FBN2: variants seen among roughly 807,000 people sequenced by gnomAD.
FBN2 encodes the protein fibrillin-2.
In FBN2, 105 loss-of-function variants were observed where a neutral mutation model predicts 355.6. That is an observed-to-expected ratio of 0.30 (90% CI 0.25 to 0.35). FBN2 has a LOEUF of 0.35. FBN2 is among the 10% of genes least tolerant of loss of function. The pLI is 1.00. For synonymous variants in FBN2, 1,350 were observed against 1,301.2 expected (o/e 1.04, Z -0.81); for missense variants, 3,280 against 3,758.7 (o/e 0.87, Z 3.33).
chr5:128,316,762 G>T (rs1217051670), intron 36 of FBN2, among the ~76,000 whole-genome samples: 2 of 152,082 alleles, frequency 1.3e-5, no homozygotes, highest in African/African-American at 4.8e-5. Context: ...AATGATTTTG[G>T]GCATTTGTTT....
At chr5:128,413,387 G>A (rs1456106521) in intron 7 of FBN2, among the ~76,000 whole-genome samples, 1 of 152,066 alleles carries the variant, frequency 6.6e-6, no homozygotes, top group East Asian at 1.9e-4. Flanking sequence ...TGTGAAAAAC[G>A]GAGGCTAAGG....
chr5:128,344,984 A>G (rs942954924), intron 24 of FBN2, among the ~76,000 whole-genome samples: 1 of 152,206 alleles, frequency 6.6e-6, no homozygotes, highest in Admixed American at 6.5e-5. Context: ...TATAGGCGTG[A>G]GCCACCACGC....
At chr5:128,290,532 C>T (rs1444067533) in intron 50 of FBN2, among the ~76,000 whole-genome samples, 200 bp downstream of exon 50, 1 of 152,198 alleles carries the variant, frequency 6.6e-6, no homozygotes, top group Non-Finnish European at 1.5e-5. Flanking sequence ...AAAAGGGTAA[C>T]TCCACCTGTG....
At chr5:128,374,777 C>T in intron 14 of FBN2, 27 bp from the exon 15 acceptor site, 1 of 1,613,538 alleles carries the variant, frequency 6.2e-7, no homozygotes, top group Non-Finnish European at 8.5e-7. Flanking sequence ...AGAAGCCAAG[C>T]AGTTACTGGG....
intron 23 of FBN2, 25 bp downstream of exon 23, chr5:128,349,322 G>A (rs1411870989): frequency 6.2e-7 from 1 of 1,613,710 alleles, no homozygotes; most frequent in Non-Finnish European, 8.5e-7. Flanking sequence ...TTTATACATA[G>A]AATACATGAG....
chr5:128,524,188 G>A (rs1487012156), intron 4 of FBN2, among the ~76,000 whole-genome samples: 16 of 152,052 alleles, frequency 1.1e-4, no homozygotes, highest in African/African-American at 3.9e-4. Flanking sequence ...TCCCACTACA[G>A]GTCCTTTAAA....
In FBN2 at chr5:128,364,741, A is replaced by G. The variant is rs760330981; in HGVS notation, c.2303-16T>C. Reference sequence around the variant, plus strand: ...TCATTGATATCTGCATTAAATATTGAAAGTTTAGTGCTATCAACAAACATG... The same window carrying G: ...TCATTGATATCTGCATTAAATATTGGAAGTTTAGTGCTATCAACAAACATG... On this transcript the variant is annotated splice_polypyrimidine_tract_variant and intron_variant, in intron 17 of 64. Transcript: ENST00000262464. 2 of 1,605,498 alleles carry G rather than the reference A, an allele frequency of 1.2e-6. No homozygotes were observed. The highest frequency in any genetic ancestry group is 1.1e-5 in the South Asian group (1 of 90,730).
intron 27 of FBN2, 61 bp from the exon 28 acceptor site, chr5:128,336,174 A>G: frequency 6.4e-7 from 1 of 1,564,688 alleles, no homozygotes; most frequent in South Asian, 1.1e-5. Flanking sequence ...GCCATCAGAA[A>G]GGTGCTTCAC....
At chr5:128,465,193 T>C (rs1203303364) in intron 5 of FBN2, among the ~76,000 whole-genome samples, 1 of 152,230 alleles carries the variant, frequency 6.6e-6, no homozygotes, top group East Asian at 1.9e-4. Flanking sequence ...ATAATGCTTT[T>C]ACAGAATTTA....
chr5:128,378,714 A>G, intron 12 of FBN2, 57 bp downstream of exon 12: 1 of 1,599,014 alleles, frequency 6.3e-7, no homozygotes, highest in Non-Finnish European at 8.6e-7. Flanking sequence ...TAACCTCAAC[A>G]GCCTTGGTCA....
rs115972013 is a variant in FBN2 at position 128,442,735 on chromosome 5, A to G, written c.952+3746T>C. ...AGGGGGATAATAACTGGTTCTCCTT[A>G]AAACAGACACACACACACAAACACA... is the stretch of plus-strand genomic sequence containing the variant. On this transcript the variant is annotated intron_variant, in intron 7 of 64. Coordinates refer to ENST00000262464, the MANE Select transcript of FBN2 (RefSeq NM_001999.4). Among the ~76,000 whole-genome samples the G allele has an allele frequency of 3.0e-3, 463 of 152,176 alleles. 6 individuals are homozygous for G. The highest frequency in any genetic ancestry group is 0.01 in the African/African-American group (435 of 41,520).
At chr5:128,530,834 C>T in intron 2 of FBN2, 141 bp from the exon 3 acceptor site, 1 of 651,088 alleles carries the variant, frequency 1.5e-6, no homozygotes. Flanking sequence ...TTCAGATATG[C>T]AATAAAATTA....
intron 6 of FBN2, among the ~76,000 whole-genome samples, chr5:128,462,395 G>A (rs1195296001): frequency 1.3e-5 from 2 of 152,116 alleles, no homozygotes; most frequent in African/African-American, 4.8e-5. Flanking sequence ...ATCACAGTAA[G>A]ATGTCTTAAA....
In FBN2 at chr5:128,301,440, A is replaced by G; in HGVS notation, c.5988T>C (p.Ser1996=). 3 of 1,613,634 alleles carry G rather than the reference A, an allele frequency of 1.9e-6. No individual in the cohort carries two copies. The highest frequency in any genetic ancestry group is 2.5e-6 in the Non-Finnish European group (3 of 1,179,678). The change falls in exon 47 of 65, where the codon TCT becomes TCC. Residue 1996 remains serine (S), a synonymous_variant. Coordinates refer to ENST00000262464, the MANE Select transcript of FBN2 (RefSeq NM_001999.4). ...AACCTTCGTTACATAGACACTTGAA[A>G]GAACCAATTTCATTAAAACAACGTC... ...RNGRCFNEIG[S]FKCLCNEGYE... is the part of the protein sequence containing the mutation.
chr5:128,361,418 T>C (rs1344570688), intron 19 of FBN2, among the ~76,000 whole-genome samples: 3 of 152,194 alleles, frequency 2.0e-5, no homozygotes, highest in Non-Finnish European at 4.4e-5. Context: ...TAAACAAATA[T>C]TTGACATTGT....
intron 11 of FBN2, among the ~76,000 whole-genome samples, chr5:128,389,216 T>C (rs1752446876): frequency 6.6e-6 from 1 of 152,118 alleles, no homozygotes; most frequent in African/African-American, 2.4e-5. Flanking sequence ...ATGCCAGTGG[T>C]GATGGGGTGA....
chr5:128,445,155 G>A (rs986283530), intron 7 of FBN2, among the ~76,000 whole-genome samples: 3 of 152,174 alleles, frequency 2.0e-5, no homozygotes, highest in Non-Finnish European at 4.4e-5. Flanking sequence ...TATCGACAGT[G>A]TATTTAAGTA....
Position 128,260,184 on chromosome 5 carries a change from T to A in FBN2, c.8365-355A>T, listed in dbSNP as rs143887155. Among the ~76,000 whole-genome samples the A allele has an allele frequency of 1.5e-3, 232 of 152,272 alleles. 1 individual carries two copies. The highest frequency in any genetic ancestry group is 5.2e-3 in the African/African-American group (217 of 41,554). ...TTAATAATTTTTAAAAACTAAAATT[T>A]AGGTAATGATTTTTTTTTTTCTGGA... On this transcript the variant is annotated intron_variant, in intron 64 of 64. Coordinates refer to ENST00000262464, the MANE Select transcript of FBN2 (RefSeq NM_001999.4).
At chr5:128,260,539 T>A (rs537079973) in intron 64 of FBN2, among the ~76,000 whole-genome samples, 3 of 152,284 alleles carry the variant, frequency 2.0e-5, no homozygotes, top group Non-Finnish European at 4.4e-5. Flanking sequence ...GACTTGGCAG[T>A]GGTGACCCAG....
Sources: gnomAD v4.1 joint callset for allele counts (sites outside exome capture counted in the v4.1 genomes callset) on GRCh38, gnomAD v4.1.1 for gene constraint, MANE v1.5 for transcripts, NCBI Gene and HGNC (gene_info 2026-07-23, HGNC 2026-07-21) for gene names.